Variants in TMEM132C observed in about 807,000 individuals in gnomAD.
TMEM132C encodes the protein protein phosphatase 1, regulatory subunit 152.
Under a neutral mutation model 61.4 loss-of-function variants are expected in TMEM132C, and 29 were observed. The ratio of observed to expected loss-of-function variants is 0.47; its 90% CI spans 0.35 to 0.64. The LOEUF is 0.64. Among genes scored for constraint, TMEM132C ranks in the 30% least tolerant of loss-of-function variants. The probability of loss-of-function intolerance (pLI) is 0.00; values close to 1 mark genes in which losing one functional copy is unlikely to be tolerated. For missense variants in TMEM132C, 1,408 were observed against 1,476.9 expected (o/e 0.95, Z 0.76); for synonymous variants, 656 against 633.1 (o/e 1.04, Z -0.54).
chr12:128,450,169 A>G (rs1167236369), intron 2 of TMEM132C, among the ~76,000 whole-genome samples: 2 of 152,204 alleles, frequency 1.3e-5, no homozygotes, highest in Non-Finnish European at 2.9e-5. Context: ...GTTATTGAGC[A>G]TTTGACATGG....
chr12:128,280,208 C>T (rs975016295), intron 1 of TMEM132C, among the ~76,000 whole-genome samples: 2 of 152,180 alleles, frequency 1.3e-5, no homozygotes, highest in Admixed American at 6.5e-5. Flanking sequence ...CTCTTCTCTC[C>T]GTCAGTCGCT....
intron 1 of TMEM132C, among the ~76,000 whole-genome samples, chr12:128,297,400 G>A (rs1871446902): frequency 6.6e-6 from 1 of 152,166 alleles, no homozygotes; most frequent in African/African-American, 2.4e-5. Context: ...GTCATAAATG[G>A]ATTATTGGAT....
At chr12:128,665,960 C>T (rs1394776564) in intron 4 of TMEM132C, among the ~76,000 whole-genome samples, 3 of 149,626 alleles carry the variant, frequency 2.0e-5, no homozygotes, top group Non-Finnish European at 4.4e-5. Flanking sequence ...CACACACACA[C>T]ACACGGGCAC....
intron 1 of TMEM132C, among the ~76,000 whole-genome samples, chr12:128,363,908 G>A (rs1346622416): frequency 2.0e-5 from 3 of 151,802 alleles, no homozygotes; most frequent in Non-Finnish European, 4.4e-5. Context: ...AGCGTGGTGG[G>A]GCAGCTGGAT....
intron 1 of TMEM132C, among the ~76,000 whole-genome samples, chr12:128,289,978 C>T (rs1177559993): frequency 2.6e-5 from 4 of 152,152 alleles, no homozygotes; most frequent in African/African-American, 9.7e-5. Context: ...CTGATATCAG[C>T]TGCTTTTCTT....
At chr12:128,671,146 C>T (rs1954528160) in intron 5 of TMEM132C, among the ~76,000 whole-genome samples, 1 of 152,230 alleles carries the variant, frequency 6.6e-6, no homozygotes, top group Admixed American at 6.5e-5. Flanking sequence ...AAATTCACTT[C>T]CATTTTGCCT....
At chr12:128,389,506 AC>A (rs1431106882) in intron 1 of TMEM132C, among the ~76,000 whole-genome samples, 2 of 152,130 alleles carry the variant, frequency 1.3e-5, no homozygotes, top group Admixed American at 6.5e-5. Flanking sequence ...GTTTTCTCCC[AC>A]CAGAACATAG....
chr12:128,586,354 GT>G (rs1875548920), intron 3 of TMEM132C, among the ~76,000 whole-genome samples: 1 of 27,152 alleles, frequency 3.7e-5, no homozygotes, highest in Non-Finnish European at 6.4e-5. Context: ...GTGACTTATA[GT>G]ATAGGCATCT....
intron 1 of TMEM132C, among the ~76,000 whole-genome samples, chr12:128,375,371 T>C (rs1490529424): frequency 6.6e-6 from 1 of 152,054 alleles, no homozygotes; most frequent in Non-Finnish European, 1.5e-5. Context: ...GAAATCCAGG[T>C]GTTGGCAGGG....
At chr12:128,381,194 G>A (rs2135991054) in intron 1 of TMEM132C, among the ~76,000 whole-genome samples, 1 of 152,308 alleles carries the variant, frequency 6.6e-6, no homozygotes, top group East Asian at 1.9e-4. Context: ...CGTGCTTTGA[G>A]CCACTCAAAA....
intron 4 of TMEM132C, among the ~76,000 whole-genome samples, chr12:128,652,195 A>G (rs529847787): frequency 3.3e-5 from 5 of 152,052 alleles, no homozygotes; most frequent in African/African-American, 9.6e-5. Flanking sequence ...ATCTAGCCAC[A>G]TAACTAGATA....
intron 1 of TMEM132C, among the ~76,000 whole-genome samples, chr12:128,317,055 A>G (rs1872176190): frequency 6.6e-6 from 1 of 152,204 alleles, no homozygotes; most frequent in African/African-American, 2.4e-5. Flanking sequence ...GTTGCTCAGT[A>G]ACCAAATCTG....
chr12:128,552,644 C>T (rs1486031842), intron 3 of TMEM132C, among the ~76,000 whole-genome samples: 2 of 152,184 alleles, frequency 1.3e-5, no homozygotes, highest in African/African-American at 4.8e-5. Flanking sequence ...TGCGATGGCT[C>T]ACGCCTGTAA....
intron 4 of TMEM132C, among the ~76,000 whole-genome samples, chr12:128,628,012 G>T (rs1352263105): frequency 6.6e-6 from 1 of 152,186 alleles, no homozygotes; most frequent in African/African-American, 2.4e-5. Flanking sequence ...GCATCAGCCA[G>T]GTCTCCCCAG....
intron 2 of TMEM132C, among the ~76,000 whole-genome samples, chr12:128,456,529 C>T (rs1288496393): frequency 1.3e-5 from 2 of 150,878 alleles, no homozygotes; most frequent in Admixed American, 1.3e-4. Context: ...AGCTCAGCCT[C>T]CCAAGTAGCT....
intron 2 of TMEM132C, among the ~76,000 whole-genome samples, chr12:128,452,675 G>A (rs1427632076): frequency 1.3e-5 from 2 of 151,760 alleles, no homozygotes; most frequent in African/African-American, 2.4e-5. Flanking sequence ...CTGCACTCCA[G>A]CCTGGGCGAC....
At chr12:128,344,921 G>A (rs376928655) in intron 1 of TMEM132C, among the ~76,000 whole-genome samples, 5 of 141,774 alleles carry the variant, frequency 3.5e-5, no homozygotes, top group Non-Finnish European at 6.0e-5. Flanking sequence ...AAAAAGATGA[G>A]TTTCTTTTTT....
chr12:128,582,386 G>A (rs1875371831), intron 3 of TMEM132C, among the ~76,000 whole-genome samples: 1 of 150,820 alleles, frequency 6.6e-6, no homozygotes, highest in Non-Finnish European at 1.5e-5. Context: ...CACACTCTGT[G>A]TGGGAGTATA....
chr12:128,380,950 G>C (rs899034450), intron 1 of TMEM132C, among the ~76,000 whole-genome samples: 2 of 152,198 alleles, frequency 1.3e-5, no homozygotes, highest in African/African-American at 4.8e-5. Flanking sequence ...GAAGCTGATT[G>C]AATGCAGGTG....
Sources: allele counts gnomAD v4.1 joint callset (sites outside exome capture counted in the v4.1 genomes callset), GRCh38; gene constraint gnomAD v4.1.1; transcripts MANE v1.5; gene names NCBI Gene and HGNC (gene_info 2026-07-23, HGNC 2026-07-21).